Variants in EBF1 observed in about 807,000 individuals in gnomAD.
EBF1 encodes transcription factor COE1.
In EBF1, 10 loss-of-function variants were observed where a neutral mutation model predicts 68.4. That is an observed-to-expected ratio of 0.15 (90% CI 0.09 to 0.25). The LOEUF (loss-of-function observed/expected upper bound fraction) is 0.25, where lower values mean the gene tolerates loss of function less well. Among genes scored for constraint, EBF1 ranks in the 10% least tolerant of loss-of-function variants. The pLI, the probability that EBF1 is intolerant of heterozygous loss-of-function variation, is 1.00. For synonymous variants in EBF1, 298 were observed against 299.8 expected (o/e 0.99, Z 0.06); for missense variants, 509 against 794.4 (o/e 0.64, Z 4.32).
At chr5:158,931,397 A>G (rs1215921574) in intron 6 of EBF1, among the ~76,000 whole-genome samples, 4 of 152,164 alleles carry the variant, frequency 2.6e-5, no homozygotes, top group African/African-American at 9.7e-5. Flanking sequence ...TTCCTTCCTC[A>G]TGGTATTCAT....
intron 6 of EBF1, among the ~76,000 whole-genome samples, chr5:159,037,332 T>C (rs1336213455): frequency 4.2e-5 from 3 of 72,128 alleles, no homozygotes; most frequent in East Asian, 4.0e-4. Context: ...CTATAAATCA[T>C]GCTGCTATAA....
rs112354449 is a variant in EBF1 at position 159,026,144 on chromosome 5, T to C, written c.554+47252A>G. ...ATGATGCCCGTCAAGCTGGATCTTA[T>C]GGCCCAGTTGTTTATTATTTCACAC... On this transcript the variant is annotated intron_variant, in intron 6 of 15. Coordinates refer to ENST00000313708, the MANE Select transcript of EBF1 (RefSeq NM_024007.5). Among the ~76,000 whole-genome samples, 893 of 152,292 alleles carry C rather than the reference T, an allele frequency of 5.9e-3. 17 individuals carry two copies. Among genetic ancestry groups the C allele is most frequent in the African/African-American group, 0.02 (830 of 41,564 alleles).
rs555880489 is a variant in EBF1, at chr5:158,981,448, T to A, written c.554+91948A>T. Among the ~76,000 whole-genome samples the A allele has an allele frequency of 2.0e-5, 3 of 152,282 alleles. No homozygotes were observed. The South Asian group carries it at 6.2e-4, about 32-fold the overall frequency. On this transcript the variant is annotated intron_variant, in intron 6 of 15. Coordinates refer to ENST00000313708, the MANE Select transcript of EBF1 (RefSeq NM_024007.5). ...TGTATTAGTGGTGCCAAAACCCTCATTTACATTTTTCATAAAATTGTGAAG... is the reference window on the plus strand; with the variant it reads ...TGTATTAGTGGTGCCAAAACCCTCAATTACATTTTTCATAAAATTGTGAAG...
intron 6 of EBF1, among the ~76,000 whole-genome samples, chr5:158,961,446 T>C (rs934087857): frequency 6.6e-6 from 1 of 152,168 alleles, no homozygotes; most frequent in Non-Finnish European, 1.5e-5. Context: ...CTTATAGCCA[T>C]AGGATGTAAC....
intron 7 of EBF1, among the ~76,000 whole-genome samples, chr5:158,837,745 T>A (rs908829167): frequency 4.6e-4 from 70 of 152,206 alleles, no homozygotes; most frequent in African/African-American, 1.6e-3. Flanking sequence ...CTGGAAGTTC[T>A]ACACGGATGC....
intron 6 of EBF1, among the ~76,000 whole-genome samples, chr5:158,901,514 T>G (rs892564453): frequency 6.6e-6 from 1 of 152,230 alleles, no homozygotes; most frequent in Admixed American, 6.5e-5. Context: ...ATTTTTTTCA[T>G]TCTTCATTCA....
At position 159,097,367 on chromosome 5, in the gene EBF1, A is replaced by T. The variant is rs182476999; in HGVS notation, c.135-237T>A. On this transcript the variant is annotated intron_variant, in intron 1 of 15. Coordinates refer to ENST00000313708, the MANE Select transcript of EBF1 (RefSeq NM_024007.5). ...GGTGCGTCCTCAGAACTCGCTGAAG[A>T]GGTGTGAAAGTTTTGTTTGGGTTTT... 5.4e-4 allele frequency: 294 copies of T among 544,874 alleles called. 1 individual carries two copies. The highest frequency in any genetic ancestry group is 4.8e-3 in the African/African-American group (255 of 52,698). 33.8% of individuals were successfully genotyped at this position (544,874 alleles called of 1,614,324 possible).
intron 6 of EBF1, among the ~76,000 whole-genome samples, chr5:158,845,053 A>C (rs1791177731): frequency 6.6e-6 from 1 of 152,142 alleles, no homozygotes; most frequent in South Asian, 2.1e-4. Context: ...CACCTACATA[A>C]GGATATAAAA....
intron 6 of EBF1, among the ~76,000 whole-genome samples, chr5:159,003,979 A>G (rs1441487205): frequency 1.3e-5 from 2 of 152,206 alleles, no homozygotes; most frequent in East Asian, 3.9e-4. Flanking sequence ...ATTTGGCTTT[A>G]AAATGCTTCT....
In EBF1 at chr5:159,048,418, C is replaced by A. The variant is rs370653550; in HGVS notation, c.554+24978G>T. ...TGTCGTGGCTTCCTTCCACGGCATGCCAACTCTGAAGCAGATGCCCAGCCT... is the reference window on the plus strand; with the variant it reads ...TGTCGTGGCTTCCTTCCACGGCATGACAACTCTGAAGCAGATGCCCAGCCT... On this transcript the variant is annotated intron_variant, in intron 6 of 15. Coordinates refer to ENST00000313708, the MANE Select transcript of EBF1 (RefSeq NM_024007.5). Among the ~76,000 whole-genome samples the A allele has an allele frequency of 6.6e-5, 10 of 152,306 alleles. No homozygotes were observed. In the East Asian group the frequency reaches 1.7e-3, roughly 26 times the overall value.
intron 10 of EBF1, among the ~76,000 whole-genome samples, chr5:158,774,686 C>T (rs1774704035): frequency 6.6e-6 from 1 of 152,036 alleles, no homozygotes; most frequent in Non-Finnish European, 1.5e-5. Flanking sequence ...GTTTTATGAG[C>T]CATCTCTATA....
intron 6 of EBF1, among the ~76,000 whole-genome samples, chr5:158,888,696 G>T (rs1800536821): frequency 6.6e-6 from 1 of 151,984 alleles, no homozygotes. Flanking sequence ...AACCAAAAAG[G>T]TTTAATTTGT....
At chr5:158,818,772 G>A (rs1166931745) in intron 8 of EBF1, among the ~76,000 whole-genome samples, 1 of 152,044 alleles carries the variant, frequency 6.6e-6, no homozygotes, top group Non-Finnish European at 1.5e-5. Context: ...TAAAAACTGA[G>A]TATGTTTTAA....
intron 10 of EBF1, among the ~76,000 whole-genome samples, chr5:158,735,098 G>A (rs2018466): frequency 0.13 from 20,073 of 152,140 alleles, 1,447 homozygotes; most frequent in Admixed American, 0.16. Context: ...GGTGGCATTC[G>A]TAGGAATGAA....
chr5:158,962,114 A>T (rs1173336788), intron 6 of EBF1, among the ~76,000 whole-genome samples: 1 of 152,204 alleles, frequency 6.6e-6, no homozygotes, highest in African/African-American at 2.4e-5. Flanking sequence ...TGTTTAAGTG[A>T]TCTGATAAAG....
chr5:158,741,110 T>C (rs186447555), intron 10 of EBF1, among the ~76,000 whole-genome samples: 78 of 152,368 alleles, frequency 5.1e-4, no homozygotes, highest in African/African-American at 1.8e-3. Context: ...CACAATTTAC[T>C]AGTGAAACAT....
At chr5:158,749,489 T>C (rs1446147702) in intron 10 of EBF1, among the ~76,000 whole-genome samples, 2 of 152,084 alleles carry the variant, frequency 1.3e-5, no homozygotes, top group Non-Finnish European at 2.9e-5. Flanking sequence ...ATTCCTGGCC[T>C]TGAAACTTTG....
chr5:159,066,258 A>C (rs1776779749), intron 6 of EBF1, among the ~76,000 whole-genome samples: 1 of 152,202 alleles, frequency 6.6e-6, no homozygotes, highest in Non-Finnish European at 1.5e-5. Context: ...ATTGTGCCTC[A>C]AACAGTTAGC....
intron 6 of EBF1, among the ~76,000 whole-genome samples, chr5:159,033,348 G>A (rs1769324797): frequency 6.6e-6 from 1 of 152,218 alleles, no homozygotes; most frequent in African/African-American, 2.4e-5. Context: ...AACATAGTTA[G>A]CTCTGAACTC....
Sources: allele counts gnomAD v4.1 joint callset (sites outside exome capture counted in the v4.1 genomes callset), GRCh38; gene constraint gnomAD v4.1.1; transcripts MANE v1.5; gene names NCBI Gene and HGNC (gene_info 2026-07-23, HGNC 2026-07-21).